Variants in PCDHA9 observed in about 807,000 individuals in gnomAD.
PCDHA9 encodes protocadherin alpha-9.
A neutral mutation model predicts 62.0 loss-of-function variants in PCDHA9; 62 were observed. That is an observed-to-expected ratio of 1.00 (90% CI 0.81 to 1.23). PCDHA9 has a LOEUF of 1.23. Among genes scored for constraint, PCDHA9 ranks in the 50% most tolerant of loss-of-function variants. The pLI, the probability that PCDHA9 is intolerant of heterozygous loss-of-function variation, is 0.00. For missense variants in PCDHA9, 1,205 were observed against 1,249.8 expected (o/e 0.96, Z 0.54); for synonymous variants, 557 against 567.6 (o/e 0.98, Z 0.27).
At chr5:140,868,874 A>G (rs547590599) in intron 1 of PCDHA9, 25 of 646,974 alleles carry the variant, frequency 3.9e-5, no homozygotes, top group Middle Eastern at 8.7e-4. Flanking sequence ...AGTGCACAGT[A>G]CTCACAGTTT....
intron 1 of PCDHA9, among the ~76,000 whole-genome samples, chr5:140,907,985 A>T (rs1377305456): frequency 2.6e-5 from 4 of 152,178 alleles, no homozygotes; most frequent in East Asian, 1.9e-4. Flanking sequence ...GCTTCTTCCA[A>T]GTCCTTAACC....
At chr5:140,903,313 C>G (rs974760383) in intron 1 of PCDHA9, among the ~76,000 whole-genome samples, 2 of 152,088 alleles carry the variant, frequency 1.3e-5, no homozygotes, top group South Asian at 4.1e-4. Context: ...ACAATAAAGA[C>G]AGCATTTTTA....
chr5:140,905,617 G>T (rs1019062717), intron 1 of PCDHA9, among the ~76,000 whole-genome samples: 8 of 152,116 alleles, frequency 5.3e-5, no homozygotes, highest in Non-Finnish European at 1.5e-5. Context: ...TCTATAGATT[G>T]CTTTTGACAG....
At chr5:140,954,453 A>G (rs1489783264) in intron 1 of PCDHA9, among the ~76,000 whole-genome samples, 1 of 152,142 alleles carries the variant, frequency 6.6e-6, no homozygotes, top group East Asian at 1.9e-4. Flanking sequence ...ACTTGTTAAT[A>G]ATTGCCATTC....
chr5:140,848,667 G>A lies in PCDHA9; in HGVS notation c.172G>A (p.Glu58Lys), dbSNP rs1173870910. The change falls in exon 1 of 4, where the codon GAG becomes AAG. Residue 58 changes from glutamate (E) to lysine (K), a missense_variant. Around this residue, in one of 3 missense-constraint regions of PCDHA9, gnomAD observed 208 missense variants for 213.2 expected, o/e 0.98. Coordinates refer to ENST00000532602, the MANE Select transcript of PCDHA9 (RefSeq NM_031857.2). ...GCAGGACCTGGGGCTGGAGCTGGCG[G>A]AGCTGGTGCCGCGCCTGTTCCAGTT... ...IAQDLGLELA[E>K]LVPRLFQLDS... The A allele has an allele frequency of 1.0e-5, 16 of 1,592,228 alleles. No individual in the cohort carries two copies. Among genetic ancestry groups the A allele is most frequent in the Non-Finnish European group, 1.3e-5 (15 of 1,163,428 alleles).
At chr5:140,875,346 T>A in intron 1 of PCDHA9, 1 of 1,443,436 alleles carries the variant, frequency 6.9e-7, no homozygotes, top group Non-Finnish European at 9.1e-7. Flanking sequence ...GACTCCATAA[T>A]GACTGTGATG....
chr5:140,890,995 A>C (rs1554184607), intron 1 of PCDHA9, among the ~76,000 whole-genome samples: 2 of 152,138 alleles, frequency 1.3e-5, no homozygotes, highest in Non-Finnish European at 1.5e-5. Context: ...ATTTCATCAT[A>C]ATTATTGAAA....
intron 1 of PCDHA9, among the ~76,000 whole-genome samples, chr5:140,965,818 A>G (rs1554227859): frequency 2.6e-5 from 4 of 152,344 alleles, no homozygotes; most frequent in African/African-American, 9.6e-5. Flanking sequence ...AGAGCATTTT[A>G]AACATTTAAA....
At chr5:140,967,060 G>T in intron 1 of PCDHA9, 1 of 1,612,802 alleles carries the variant, frequency 6.2e-7, no homozygotes, top group Non-Finnish European at 8.5e-7. Flanking sequence ...CGAGTGGAGC[G>T]CTCTTCGTCA....
intron 1 of PCDHA9, among the ~76,000 whole-genome samples, chr5:140,921,954 C>A (rs970694644): frequency 2.0e-5 from 3 of 151,586 alleles, no homozygotes; most frequent in African/African-American, 7.3e-5. Context: ...TGTAAAATCC[C>A]AGAAAACCAA....
chr5:140,928,821 C>A (rs2085565750), intron 1 of PCDHA9: 3 of 1,614,142 alleles, frequency 1.9e-6, no homozygotes, highest in Non-Finnish European at 2.5e-6. Context: ...ACCATGGAGA[C>A]CCACCACTTT....
chr5:140,967,757 T>C, intron 1 of PCDHA9: 1 of 1,614,216 alleles, frequency 6.2e-7, no homozygotes, highest in Non-Finnish European at 8.5e-7. Flanking sequence ...AGCCTCCTCC[T>C]ACCAGATCTA....
At position 140,943,102 on chromosome 5, in the gene PCDHA9, A is replaced by G. The variant is rs142380810; in HGVS notation, c.2395-35847A>G. 2.6e-3 allele frequency among the ~76,000 whole-genome samples: 391 copies of G among 151,972 alleles called. 4 individuals are homozygous for G. In the East Asian group the frequency reaches 0.045, roughly 17 times the overall value. ...TGAAATCCTGCCTCTACTAAAAAAT[A>G]CAAAAATTAGCCAGGTGTGGTAGTG... On this transcript the variant is annotated intron_variant, in intron 1 of 3. Transcript: ENST00000532602.
At chr5:140,856,763 C>G (rs1004781576) in intron 1 of PCDHA9, 3 of 1,596,086 alleles carry the variant, frequency 1.9e-6, no homozygotes, top group Admixed American at 1.7e-5. Flanking sequence ...TGATAACGCC[C>G]CTATCTTTGA....
At chr5:140,915,137 C>T (rs2076999053) in intron 1 of PCDHA9, among the ~76,000 whole-genome samples, 3 of 151,800 alleles carry the variant, frequency 2.0e-5, no homozygotes, top group South Asian at 2.1e-4. Context: ...TTAGTAGAGA[C>T]GGGGTTTCAC....
intron 1 of PCDHA9, chr5:140,869,566 G>C (rs782325882): frequency 6.2e-7 from 1 of 1,614,178 alleles, no homozygotes; most frequent in Middle Eastern, 1.6e-4. Context: ...TTTTCCACTA[G>C]AGGGAGCTTC....
chr5:140,995,233 G>A (rs1359304274), intron 3 of PCDHA9, among the ~76,000 whole-genome samples: 1 of 152,128 alleles, frequency 6.6e-6, no homozygotes, highest in Non-Finnish European at 1.5e-5. Flanking sequence ...TTTGGGGCCA[G>A]TATTAAGTAA....
intron 1 of PCDHA9, chr5:140,877,965 G>A (rs1049843517): frequency 1.8e-5 from 23 of 1,304,904 alleles, no homozygotes; most frequent in Non-Finnish European, 2.2e-5. Context: ...CATCTTTCTT[G>A]GTCATTCTTA....
At chr5:140,912,810 A>G (rs887666910) in intron 1 of PCDHA9, among the ~76,000 whole-genome samples, 16 of 152,202 alleles carry the variant, frequency 1.1e-4, no homozygotes, top group African/African-American at 3.6e-4. Flanking sequence ...GGTTTTTATC[A>G]TAAAGGGATT....
Sources: allele counts gnomAD v4.1 joint callset (sites outside exome capture counted in the v4.1 genomes callset), GRCh38; gene constraint gnomAD v4.1.1; regional missense constraint gnomAD v4.1.1; transcripts MANE v1.5; gene names NCBI Gene and HGNC (gene_info 2026-07-23, HGNC 2026-07-21).